Variants in SGCZ observed in about 807,000 individuals in gnomAD.
The protein encoded by SGCZ is zeta-sarcoglycan.
SGCZ carries 40 observed loss-of-function variants against 41.3 expected under a neutral mutation model. The ratio of observed to expected loss-of-function variants is 0.97; its 90% CI spans 0.75 to 1.26. The LOEUF is 1.26. SGCZ is among the 50% of genes most tolerant of loss of function. The pLI is 0.00. For missense variants in SGCZ, 552 were observed against 369.8 expected (o/e 1.49, Z -4.04); for synonymous variants, 206 against 137.5 (o/e 1.50, Z -3.49).
intron 4 of SGCZ, among the ~76,000 whole-genome samples, chr8:14,217,823 G>C (rs979783199): frequency 5.3e-5 from 8 of 151,610 alleles, no homozygotes; most frequent in Non-Finnish European, 8.8e-5. Context: ...TAGAGACAAG[G>C]TTTCACCATG....
At chr8:14,922,518 G>A (rs1294938958) in intron 1 of SGCZ, among the ~76,000 whole-genome samples, 2 of 151,884 alleles carry the variant, frequency 1.3e-5, no homozygotes, top group Non-Finnish European at 2.9e-5. Context: ...GCAATGGCGC[G>A]ATTTCGGCTC....
At chr8:14,922,985 T>C (rs1418160863) in intron 1 of SGCZ, among the ~76,000 whole-genome samples, 1 of 152,254 alleles carries the variant, frequency 6.6e-6, no homozygotes, top group Non-Finnish European at 1.5e-5. Context: ...ACTTTTATAA[T>C]TGAATGATGA....
chr8:15,091,023 A>C (rs1307762986), intron 1 of SGCZ, among the ~76,000 whole-genome samples: 1 of 152,178 alleles, frequency 6.6e-6, no homozygotes, highest in African/African-American at 2.4e-5. Flanking sequence ...ACAGTTACAT[A>C]TTTAGAATGA....
intron 1 of SGCZ, among the ~76,000 whole-genome samples, chr8:14,703,489 C>A (rs962101940): frequency 2.0e-5 from 3 of 151,948 alleles, no homozygotes; most frequent in Non-Finnish European, 4.4e-5. Context: ...CTCTCCAACT[C>A]TCACATTGCT....
chr8:14,821,281 A>ATT (rs1802072838), intron 1 of SGCZ, among the ~76,000 whole-genome samples: 1 of 151,958 alleles, frequency 6.6e-6, no homozygotes, highest in Admixed American at 6.6e-5. Flanking sequence ...GGAAATAGAA[A>ATT]AACTGAACAG....
intron 2 of SGCZ, among the ~76,000 whole-genome samples, chr8:14,551,689 C>A (rs1803873885): frequency 1.3e-5 from 1 of 75,446 alleles, no homozygotes; most frequent in Non-Finnish European, 2.7e-5. Context: ...GCTCTCATAG[C>A]CAGGAAATTA....
rs149166238 is a variant in SGCZ at position 14,774,157 on chromosome 8, C to A, written c.40-219231G>T. ...TGTGGGTTAGCTTTATACAATTAGT[C>A]TAAGGCTTGAATAGAGCAAATGACT... On this transcript the variant is annotated intron_variant, in intron 1 of 7. Coordinates refer to ENST00000382080, the MANE Select transcript of SGCZ (RefSeq NM_139167.4). 4.1e-4 allele frequency among the ~76,000 whole-genome samples: 62 copies of A among 152,248 alleles called. No homozygotes were observed. The East Asian group carries it at 0.011, about 28-fold the overall frequency.
At chr8:14,174,462 G>T (rs771660652) in intron 4 of SGCZ, among the ~76,000 whole-genome samples, 10 of 152,016 alleles carry the variant, frequency 6.6e-5, no homozygotes, top group Non-Finnish European at 1.2e-4. Flanking sequence ...TGGTATTCCT[G>T]ACAGAGAGGA....
chr8:14,200,355 T>C (rs940453209), intron 4 of SGCZ, among the ~76,000 whole-genome samples: 2 of 152,150 alleles, frequency 1.3e-5, no homozygotes, highest in African/African-American at 4.8e-5. Flanking sequence ...GATTGAAAGA[T>C]GAATCTAAAT....
chr8:14,088,681 T>C lies in SGCZ; in HGVS notation c.*1762A>G, dbSNP rs982973765. 3.9e-5 allele frequency among the ~76,000 whole-genome samples: 6 copies of C among 151,940 alleles called. No individual in the cohort carries two copies. Among genetic ancestry groups the C allele is most frequent in the African/African-American group, 1.4e-4 (6 of 41,422 alleles). On this transcript the variant is annotated 3_prime_UTR_variant, in exon 8 of 8. Coordinates refer to ENST00000382080, the MANE Select transcript of SGCZ (RefSeq NM_139167.4). The stretch of plus-strand genomic sequence containing the variant: ...ATATAATCACATTTTATTTTAACAG[T>C]AATAAATTAGCCTTTGAACCCTTCT...
intron 1 of SGCZ, among the ~76,000 whole-genome samples, chr8:14,653,920 C>T (rs1344040875): frequency 6.6e-6 from 1 of 152,078 alleles, no homozygotes; most frequent in Non-Finnish European, 1.5e-5. Context: ...ATTGAACAAG[C>T]ATTTCACCAA....
At position 14,489,866 on chromosome 8, in the gene SGCZ, C is replaced by CATTTTTTTTTTTTTTT. The variant is rs142314868; in HGVS notation, c.234+64865_234+64866insAAAAAAAAAAAAAAAT. On this transcript the variant is annotated intron_variant, in intron 2 of 7. Transcript: ENST00000382080. ...ACTGGCTCGCCGAAAAATTCTCCTA[C>CATTTTTTTTTTTTTTT]CTTTTTTTTTTTTTTCCTGAGATGG... Among the ~76,000 whole-genome samples the CATTTTTTTTTTTTTTT allele has an allele frequency of 1.1e-4, 15 of 137,480 alleles. 5 individuals are homozygous for CATTTTTTTTTTTTTTT. The highest frequency in any genetic ancestry group is 1.5e-4 in the Admixed American group (2 of 13,108). 90.2% of individuals were successfully genotyped at this position (137,480 alleles called of 152,430 possible).
In SGCZ at chr8:15,021,958, A is replaced by G. The variant is rs141902656; in HGVS notation, c.39+215627T>C. 6.2e-3 allele frequency among the ~76,000 whole-genome samples: 942 copies of G among 152,306 alleles called. 10 individuals are homozygous for G. The highest frequency in any genetic ancestry group is 0.015 in the African/African-American group (640 of 41,552). On this transcript the variant is annotated intron_variant, in intron 1 of 7. Coordinates refer to ENST00000382080, the MANE Select transcript of SGCZ (RefSeq NM_139167.4). The stretch of plus-strand genomic sequence containing the variant: ...TTCTAAGAAACATCCTGATGACCCA[A>G]TTTTATGGAAATAACATAAATAGAA...
chr8:14,587,744 A>G (rs1241687899), intron 1 of SGCZ, among the ~76,000 whole-genome samples: 1 of 152,216 alleles, frequency 6.6e-6, no homozygotes, highest in African/African-American at 2.4e-5. Context: ...GATGTTCAAT[A>G]CTAAGTGTAA....
chr8:14,889,610 G>A (rs1327062270), intron 1 of SGCZ, among the ~76,000 whole-genome samples: 1 of 151,758 alleles, frequency 6.6e-6, no homozygotes, highest in African/African-American at 2.4e-5. Context: ...CCAGCCCTGT[G>A]TATTACATAT....
rs1362069855 is a variant in SGCZ, at chr8:14,125,606, C to T, written c.548-17371G>A. Among the ~76,000 whole-genome samples, 3 of 151,910 alleles carry T rather than the reference C, an allele frequency of 2.0e-5. No homozygotes were observed. In the East Asian group the frequency reaches 5.8e-4, roughly 29 times the overall value. Reference sequence around the variant, plus strand: ...TTTCCATCAAACTACAATGGACATTCTTCATAGAATTAGAAAAAATACTTT... The same window carrying T: ...TTTCCATCAAACTACAATGGACATTTTTCATAGAATTAGAAAAAATACTTT... On this transcript the variant is annotated intron_variant, in intron 5 of 7. Coordinates refer to ENST00000382080, the MANE Select transcript of SGCZ (RefSeq NM_139167.4).
intron 1 of SGCZ, among the ~76,000 whole-genome samples, chr8:14,868,244 C>A (rs1334667147): frequency 6.6e-6 from 1 of 152,126 alleles, no homozygotes; most frequent in Non-Finnish European, 1.5e-5. Context: ...TGCCCTCATG[C>A]AACTCGGTGA....
At chr8:14,318,516 C>T (rs773946697) in intron 3 of SGCZ, among the ~76,000 whole-genome samples, 1 of 151,890 alleles carries the variant, frequency 6.6e-6, no homozygotes, top group African/African-American at 2.4e-5. Context: ...AAGTCAAGCC[C>T]AGATAAACTA....
At chr8:15,171,481 A>T (rs1799828296) in intron 1 of SGCZ, among the ~76,000 whole-genome samples, 1 of 152,178 alleles carries the variant, frequency 6.6e-6, no homozygotes, top group Non-Finnish European at 1.5e-5. Context: ...CTGAAAGGAC[A>T]CCAGCCCTTC....
Sources: gnomAD v4.1 joint callset for allele counts (sites outside exome capture counted in the v4.1 genomes callset) on GRCh38, gnomAD v4.1.1 for gene constraint, MANE v1.5 for transcripts, NCBI Gene and HGNC (gene_info 2026-07-23, HGNC 2026-07-21) for gene names.